The following CFAP206 variants were observed in gnomAD, a reference collection of about 807,000 sequenced individuals.
CFAP206 encodes the protein cilia and flagella associated protein 206.
In CFAP206, 53 loss-of-function variants were observed where a neutral mutation model predicts 65.4. The ratio of observed to expected loss-of-function variants is 0.81; its 90% CI spans 0.65 to 1.02. The LOEUF (loss-of-function observed/expected upper bound fraction) is 1.02, where lower values mean the gene tolerates loss of function less well. Among genes scored for constraint, CFAP206 ranks in the 50% least tolerant of loss-of-function variants. The probability of loss-of-function intolerance (pLI) is 0.00; values close to 1 mark genes in which losing one functional copy is unlikely to be tolerated. For missense variants in CFAP206, 663 were observed against 753.2 expected, an observed-to-expected ratio of 0.88 and a Z score of 1.40; for synonymous variants, 250 against 254.4, an observed-to-expected ratio of 0.98 and a Z score of 0.17.
intron 4 of CFAP206, among the ~76,000 whole-genome samples, chr6:87,414,517 C>G (rs996817443): frequency 6.6e-6 from 1 of 152,110 alleles, no homozygotes; most frequent in Non-Finnish European, 1.5e-5. Flanking sequence ...AGGCTGGTGT[C>G]GAAATCCAGG....
chr6:87,418,091 TTTGA>T (rs1007936648), intron 6 of CFAP206, 113 bp from the exon 7 acceptor site: 5 of 889,024 alleles, frequency 5.6e-6, no homozygotes, highest in Non-Finnish European at 8.7e-6. Flanking sequence ...TTATTACTAA[TTTGA>T]TTGGGGAGAA....
In CFAP206 at chr6:87,434,908, T is replaced by C; in HGVS notation, c.1349T>C (p.Phe450Ser). The C allele has an allele frequency of 6.6e-7, 1 of 1,515,210 alleles. No homozygotes were observed. The highest frequency in any genetic ancestry group is 9.0e-7 in the Non-Finnish European group (1 of 1,105,864). 93.9% of individuals were successfully genotyped at this position (1,515,210 alleles called of 1,614,324 possible). A position where few individuals can be genotyped will look rare whatever the true frequency, so the allele number is the denominator to read the frequency against. The part of the protein sequence containing the change: ...ILKYKEKYYT[F>S]NSKDAAYSFA... ...AAATATAAAGAAAAATATTACACAT[T>C]CAATAGTAAAGATGCTGCATATTCA... Residue 450 changes from phenylalanine (F) to serine (S), a missense_variant, in exon 11 of 13, where the codon TTC (phenylalanine) becomes TCC (serine). Coordinates refer to ENST00000369562, the MANE Select transcript of CFAP206 (RefSeq NM_001031743.3).
chr6:87,411,240 G>A (rs1381309034), intron 3 of CFAP206, among the ~76,000 whole-genome samples: 2 of 152,206 alleles, frequency 1.3e-5, no homozygotes, highest in African/African-American at 2.4e-5. Context: ...GTCATATACT[G>A]TGAAGTTAAA....
chr6:87,421,013 G>C (rs1318407439), intron 7 of CFAP206, among the ~76,000 whole-genome samples: 1 of 152,118 alleles, frequency 6.6e-6, no homozygotes, highest in Non-Finnish European at 1.5e-5. Context: ...GGTTTAATCA[G>C]TATTATCTCT....
intron 9 of CFAP206, among the ~76,000 whole-genome samples, chr6:87,429,951 T>A (rs1768129059): frequency 6.6e-6 from 1 of 152,198 alleles, no homozygotes; most frequent in East Asian, 1.9e-4. Context: ...TAAATGAAAT[T>A]GAAAAGTTAA....
intron 11 of CFAP206, among the ~76,000 whole-genome samples, chr6:87,440,442 C>T (rs542947317): frequency 2.2e-4 from 34 of 151,882 alleles, no homozygotes; most frequent in Middle Eastern, 3.4e-3. Context: ...AATTCCTTCC[C>T]CTAGACTTTG....
intron 3 of CFAP206, among the ~76,000 whole-genome samples, chr6:87,412,516 A>G (rs1767750799): frequency 6.6e-6 from 1 of 152,198 alleles, no homozygotes. Flanking sequence ...GAGGCAAGGC[A>G]GAGAAGGGGA....
intron 11 of CFAP206, among the ~76,000 whole-genome samples, chr6:87,437,353 A>G (rs1768285185): frequency 1.3e-5 from 2 of 150,130 alleles, no homozygotes; most frequent in Non-Finnish European, 3.0e-5. Flanking sequence ...CCTTCTGTAC[A>G]TTGCGTATTT....
Position 87,426,541 on chromosome 6 carries a change from G to C in CFAP206, c.856G>C (p.Gly286Arg). ...LQIILSDIIT[G>R]AQEVEMMTKQ... The stretch of plus-strand genomic sequence containing the variant: ...GTTTTCACAGTCAGATATAATTACT[G>C]GTGCTCAAGAAGTGGAAATGATGAC... The change falls in exon 8 of 13, where the codon GGT becomes CGT. Residue 286 changes from glycine (G) to arginine (R), a missense_variant. By Grantham distance (125) the Gly-to-Arg change is moderately radical. Transcript: ENST00000369562. 1.3e-6 allele frequency: 2 copies of C among 1,581,412 alleles called. No homozygotes were observed. Among genetic ancestry groups the C allele is most frequent in the South Asian group, 2.4e-5 (2 of 84,834 alleles).
At position 87,428,112 on chromosome 6, in the gene CFAP206, C is replaced by T. The variant is rs186124078; in HGVS notation, c.961-514C>T. 3.9e-3 allele frequency among the ~76,000 whole-genome samples: 592 copies of T among 151,780 alleles called. 2 individuals carry two copies. Among genetic ancestry groups the T allele is most frequent in the South Asian group, 6.7e-3 (32 of 4,800 alleles). On this transcript the variant is annotated intron_variant, in intron 8 of 12. Coordinates refer to ENST00000369562, the MANE Select transcript of CFAP206 (RefSeq NM_001031743.3). ...AAGCGATTCTCCTGCCTCAGCCTCC[C>T]GGGTAGCTGGGATTGTAGGTGCCCA... is the stretch of plus-strand genomic sequence containing the variant.
In CFAP206 at chr6:87,433,929, G is replaced by A. The variant is rs370842508; in HGVS notation, c.1301-931G>A. Among the ~76,000 whole-genome samples the A allele has an allele frequency of 7.6e-4, 116 of 151,810 alleles. 1 individual carries two copies. The highest frequency in any genetic ancestry group is 3.4e-3 in the Middle Eastern group (1 of 294). On this transcript the variant is annotated intron_variant, in intron 10 of 12. Transcript: ENST00000369562. ...AGCCTGACCAATTTGATGAAACCCC[G>A]TCTCTATTAAAAATACAAAAATTAG...
rs1768736011 is a variant in CFAP206 at position 87,461,040 on chromosome 6, CATT to C, written c.1516_1518del (p.Tyr506del). On this transcript the variant is annotated inframe_deletion, in exon 12 of 13. Coordinates refer to ENST00000369562, the MANE Select transcript of CFAP206 (RefSeq NM_001031743.3). ...TCTTTAGATGAGAGATGCTGACAAACATTATATAAAACCAATTACAAAATGTGA... is the reference window on the plus strand; with the variant it reads ...TCTTTAGATGAGAGATGCTGACAAACATATAAAACCAATTACAAAATGTGA... 4 of 1,580,716 alleles carry C rather than the reference CATT, an allele frequency of 2.5e-6. No homozygotes were observed. Among genetic ancestry groups the C allele is most frequent in the East Asian group, 2.4e-5 (1 of 42,394 alleles).
At position 87,424,212 on chromosome 6, in the gene CFAP206, A is replaced by G. The variant is rs537215747; in HGVS notation, c.841-2314A>G. On this transcript the variant is annotated intron_variant, in intron 7 of 12. Coordinates refer to ENST00000369562, the MANE Select transcript of CFAP206 (RefSeq NM_001031743.3). ...ACTATTCTTTGATTTTCTCATTTGTACTTATCCCTTTTTGTATTTGTAAGT... is the reference window on the plus strand; with the variant it reads ...ACTATTCTTTGATTTTCTCATTTGTGCTTATCCCTTTTTGTATTTGTAAGT... 4.6e-5 allele frequency among the ~76,000 whole-genome samples: 7 copies of G among 152,288 alleles called. No individual in the cohort carries two copies. In the South Asian group the frequency reaches 1.5e-3, roughly 32 times the overall value.
chr6:87,410,710 C>T, intron 3 of CFAP206, 42 bp downstream of exon 3: 1 of 1,441,492 alleles, frequency 6.9e-7, no homozygotes, highest in Non-Finnish European at 9.8e-7. Flanking sequence ...TACTTATTCT[C>T]AGTTGTAAAT....
At chr6:87,424,174 A>G (rs1767997004) in intron 7 of CFAP206, among the ~76,000 whole-genome samples, 3 of 152,266 alleles carry the variant, frequency 2.0e-5, no homozygotes, top group Admixed American at 2.0e-4. Flanking sequence ...TACTTAGACA[A>G]TTTACTTACC....
chr6:87,416,932 A>G, intron 6 of CFAP206, 105 bp downstream of exon 6: 1 of 1,021,074 alleles, frequency 9.8e-7, no homozygotes, highest in Non-Finnish European at 1.4e-6. Flanking sequence ...CTTAAATTTA[A>G]GATTTGCATT....
intron 7 of CFAP206, among the ~76,000 whole-genome samples, chr6:87,419,862 T>C (rs1767908885): frequency 6.6e-6 from 1 of 152,142 alleles, no homozygotes; most frequent in African/African-American, 2.4e-5. Context: ...AGAGAACTGC[T>C]TGAGGCCAAG....
At chr6:87,434,210 T>C (rs1768211332) in intron 10 of CFAP206, among the ~76,000 whole-genome samples, 1 of 152,132 alleles carries the variant, frequency 6.6e-6, no homozygotes, top group South Asian at 2.1e-4. Flanking sequence ...GAGACCAGCC[T>C]GGGTGATGTG....
chr6:87,420,338 A>G (rs1167281482), intron 7 of CFAP206, among the ~76,000 whole-genome samples: 1 of 152,232 alleles, frequency 6.6e-6, no homozygotes, highest in African/African-American at 2.4e-5. Context: ...GTTGCAGAAG[A>G]TGTCATTCAT....
Sources: gnomAD v4.1 joint callset for allele counts (sites outside exome capture counted in the v4.1 genomes callset) on GRCh38, gnomAD v4.1.1 for gene constraint, MANE v1.5 for transcripts, NCBI Gene and HGNC (gene_info 2026-07-23, HGNC 2026-07-21) for gene names.